Variants in FIBCD1 observed in about 807,000 individuals in gnomAD.
FIBCD1 encodes the protein fibrinogen C domain-containing protein 1.
A neutral mutation model predicts 45.1 loss-of-function variants in FIBCD1; 47 were observed. The ratio of observed to expected loss-of-function variants is 1.04; its 90% confidence interval spans 0.82 to 1.33. The LOEUF (loss-of-function observed/expected upper bound fraction) is 1.33, where lower values mean the gene tolerates loss of function less well. FIBCD1 is among the 40% of genes most tolerant of loss of function. The probability of loss-of-function intolerance (pLI) is 0.00; values close to 1 mark genes in which losing one functional copy is unlikely to be tolerated. For missense variants in FIBCD1, 653 were observed against 682.2 expected (o/e 0.96, Z 0.48); for synonymous variants, 313 against 308.1 (o/e 1.02, Z -0.17).
chr9:130,904,354 G>A (rs201021287), intron 6 of FIBCD1, 31 bp from the exon 7 acceptor site: 71 of 1,570,232 alleles, frequency 4.5e-5, no homozygotes, highest in Admixed American at 2.4e-4. Flanking sequence ...GTGTGGGCAC[G>A]GGGGGCACGG....
At chr9:130,916,692 A>G (rs1271874473) in intron 4 of FIBCD1, among the ~76,000 whole-genome samples, 1 of 152,266 alleles carries the variant, frequency 6.6e-6, no homozygotes, top group Non-Finnish European at 1.5e-5. Context: ...TTAATTACAC[A>G]GCGAGGACCA....
At chr9:130,936,576 C>A (rs1832524009) in intron 1 of FIBCD1, among the ~76,000 whole-genome samples, 1 of 152,250 alleles carries the variant, frequency 6.6e-6, no homozygotes. Context: ...GAAGGCGGGG[C>A]CCGGCCTGGA....
chr9:130,908,881 T>G (rs950612930), intron 5 of FIBCD1, among the ~76,000 whole-genome samples: 2 of 152,076 alleles, frequency 1.3e-5, no homozygotes, highest in African/African-American at 4.8e-5. Flanking sequence ...GTGGCAGATC[T>G]TGCCCAGGGG....
intron 4 of FIBCD1, among the ~76,000 whole-genome samples, chr9:130,916,396 A>G (rs1588107508): frequency 6.6e-6 from 1 of 152,048 alleles, no homozygotes. Flanking sequence ...CTTGGTTCAC[A>G]CCCCAAGTGA....
In FIBCD1 at chr9:130,936,761, A is replaced by T. The variant is rs117871955; in HGVS notation, c.72+1775T>A. On this transcript the variant is annotated intron_variant, in intron 1 of 6. Transcript: ENST00000372338. ...CCTGGAAAGAATGGAGCTTGGGCCCAGGGAGAGATGCAGAGATGGGCTCCA... is the reference window on the plus strand; with the variant it reads ...CCTGGAAAGAATGGAGCTTGGGCCCTGGGAGAGATGCAGAGATGGGCTCCA... 1.2e-3 allele frequency among the ~76,000 whole-genome samples: 184 copies of T among 152,354 alleles called. 3 individuals are homozygous for T. The East Asian group carries it at 0.031, about 26-fold the overall frequency.
In FIBCD1 at chr9:130,929,335, C is replaced by T. The variant is rs558579140; in HGVS notation, c.552+232G>A. On this transcript the variant is annotated intron_variant, in intron 2 of 6. Transcript: ENST00000372338. ...GGTGCTGTACAGTTTACCGGGTCAC[C>T]GGGAAAGAAACAGGATTTGAATCCT... Among the ~76,000 whole-genome samples, 20 of 152,286 alleles carry T rather than the reference C, an allele frequency of 1.3e-4. No individual in the cohort carries two copies. In the South Asian group the frequency reaches 2.1e-3, roughly 16 times the overall value.
chr9:130,929,223 C>T (rs887229925), intron 2 of FIBCD1, among the ~76,000 whole-genome samples: 2 of 152,166 alleles, frequency 1.3e-5, no homozygotes, highest in African/African-American at 4.8e-5. Flanking sequence ...CGATTTGCTC[C>T]TGATGGGGGA....
At chr9:130,928,679 C>T (rs1814997510) in intron 2 of FIBCD1, among the ~76,000 whole-genome samples, 1 of 151,770 alleles carries the variant, frequency 6.6e-6, no homozygotes, top group African/African-American at 2.4e-5. Flanking sequence ...GGGGCTTGGG[C>T]GCCCGTGGGG....
chr9:130,933,710 G>C (rs1244577072), intron 1 of FIBCD1: 1 of 150,118 alleles, frequency 6.7e-6, no homozygotes, highest in Non-Finnish European at 1.5e-5. Context: ...GGGGGTTCTG[G>C]GGAAGCGGCG....
chr9:130,912,049 C>T (rs1324041428), intron 4 of FIBCD1, among the ~76,000 whole-genome samples, 161 bp from the exon 5 acceptor site: 1 of 151,888 alleles, frequency 6.6e-6, no homozygotes, highest in Non-Finnish European at 1.5e-5. Flanking sequence ...GGCCCCTGGC[C>T]AGGGGCCTGG....
chr9:130,939,613 C>T (rs1334334543), upstream of FIBCD1, among the ~76,000 whole-genome samples: 1 of 152,026 alleles, frequency 6.6e-6, no homozygotes, highest in African/African-American at 2.4e-5. Context: ...GCCACAGCCG[C>T]CGGCGCTGTG....
At chr9:130,923,640 G>A in intron 4 of FIBCD1, 104 bp downstream of exon 4, 1 of 1,491,276 alleles carries the variant, frequency 6.7e-7, no homozygotes. Context: ...ACAGATCCAT[G>A]GTGGAGGGCT....
At chr9:130,910,166 C>T (rs1202712129) in intron 5 of FIBCD1, among the ~76,000 whole-genome samples, 1 of 152,218 alleles carries the variant, frequency 6.6e-6, no homozygotes, top group African/African-American at 2.4e-5. Flanking sequence ...CGCTTGCGGG[C>T]CAGCTGGAGT....
rs1036316662 is a variant in FIBCD1, at chr9:130,911,094, C to T, written c.946+698G>A. Among the ~76,000 whole-genome samples, 20 of 152,310 alleles carry T rather than the reference C, an allele frequency of 1.3e-4. No homozygotes were observed. The East Asian group carries it at 1.4e-3, about 10-fold the overall frequency. ...CCTCGGCAACCCGCTCAGGTTCCCT[C>T]CTGCGCTGTGGAAGCTTTGTTCTTT... is the stretch of plus-strand genomic sequence containing the variant. On this transcript the variant is annotated intron_variant, in intron 5 of 6. Transcript: ENST00000372338.
intron 1 of FIBCD1, among the ~76,000 whole-genome samples, chr9:130,933,194 A>G (rs1832467257): frequency 6.6e-6 from 1 of 152,192 alleles, no homozygotes; most frequent in African/African-American, 2.4e-5. Context: ...TTCAGAGATC[A>G]CCTTAAAGAT....
chr9:130,936,972 G>GGTGTGTGTGT (rs10585045), intron 1 of FIBCD1, among the ~76,000 whole-genome samples: 14 of 150,560 alleles, frequency 9.3e-5, no homozygotes, highest in African/African-American at 2.2e-4. Flanking sequence ...TGAGTGAAGG[G>GGTGTGTGTGT]GTGTGTGTGT....
chr9:130,939,834 G>T (rs1832589749), upstream of FIBCD1, among the ~76,000 whole-genome samples: 1 of 151,872 alleles, frequency 6.6e-6, no homozygotes, highest in South Asian at 2.1e-4. Context: ...AATTGACAAA[G>T]TCCTTAATCT....
Position 130,904,098 on chromosome 9 carries a change from T to C in FIBCD1, c.1352A>G (p.Glu451Gly). 6.2e-7 allele frequency: 1 copy of C among 1,613,058 alleles called. No individual in the cohort carries two copies. The highest frequency in any genetic ancestry group is 8.5e-7 in the Non-Finnish European group (1 of 1,179,838). The change falls in exon 7 of 7, where the codon GAG becomes GGG. Residue 451 changes from glutamate to glycine, a missense_variant. Glu to Gly is a moderately conservative substitution (Grantham distance 98). Transcript: ENST00000372338. ...CTCCCGGACCGGCCGGATCTTCATC[T>C]CAGAGAACTTGAGTGAGTACTGCCA... Reference protein sequence around the residue: ...TGWQYSLKFSEMKIRPVREDR With the variant: ...TGWQYSLKFSGMKIRPVREDR
intron 2 of FIBCD1, among the ~76,000 whole-genome samples, chr9:130,925,751 A>T (rs1832347483): frequency 6.6e-6 from 1 of 152,192 alleles, no homozygotes; most frequent in Non-Finnish European, 1.5e-5. Flanking sequence ...AGGAGGCTGC[A>T]GGACCACGTG....
Sources: gnomAD v4.1 joint callset for allele counts (sites outside exome capture counted in the v4.1 genomes callset) on GRCh38, gnomAD v4.1.1 for gene constraint, MANE v1.5 for transcripts, NCBI Gene and HGNC (gene_info 2026-07-23, HGNC 2026-07-21) for gene names.